ATL2: variants seen among roughly 807,000 people sequenced by gnomAD.
ATL2 encodes atlastin GTPase 2, also known as atlastin-2.
In ATL2, 31 loss-of-function variants were observed where a neutral mutation model predicts 73.9. The observed-to-expected ratio is 0.42, with a 90% CI of 0.32 to 0.57. ATL2 has a LOEUF of 0.57. ATL2 is among the 20% of genes least tolerant of loss of function. ATL2 has a pLI of 0.14. For missense variants in ATL2, 738 were observed against 702.6 expected (o/e 1.05, Z -0.57); for synonymous variants, 291 against 237.5 (o/e 1.23, Z -2.07).
chr2:38,321,869 C>T (rs1668340570), intron 2 of ATL2, among the ~76,000 whole-genome samples: 1 of 152,054 alleles, frequency 6.6e-6, no homozygotes, highest in South Asian at 2.1e-4. Context: ...CACACCACCA[C>T]ACCTGGCTGA....
intron 2 of ATL2, among the ~76,000 whole-genome samples, chr2:38,334,026 C>CCCTT: frequency 1.7e-5 from 2 of 120,086 alleles, no homozygotes; most frequent in African/African-American, 8.9e-5. Flanking sequence ...GTATCCAATC[C>CCCTT]TCTTTTTTTT....
intron 1 of ATL2, among the ~76,000 whole-genome samples, chr2:38,349,252 A>T (rs986579355): frequency 6.6e-6 from 1 of 152,120 alleles, no homozygotes; most frequent in African/African-American, 2.4e-5. Flanking sequence ...TATTCACAAT[A>T]GCAAAGACTT....
chr2:38,296,181 G>A (rs2148395478), intron 12 of ATL2, 68 bp from the exon 13 acceptor site: 1 of 1,463,870 alleles, frequency 6.8e-7, no homozygotes, highest in Non-Finnish European at 9.1e-7. Context: ...TATAAAAATA[G>A]ATATAAAAAT....
At chr2:38,377,413 T>C (rs1056618645), upstream of ATL2, 11 of 574,854 alleles carry the variant, frequency 1.9e-5, no homozygotes, top group Non-Finnish European at 2.9e-5. Flanking sequence ...GCCCTCCGCC[T>C]GTATCTCCTC....
intron 4 of ATL2, among the ~76,000 whole-genome samples, chr2:38,317,439 C>G (rs1214340689): frequency 6.6e-6 from 1 of 151,998 alleles, no homozygotes; most frequent in Non-Finnish European, 1.5e-5. Flanking sequence ...AAGAAATGGC[C>G]TAGCCTGAAG....
intron 1 of ATL2, among the ~76,000 whole-genome samples, chr2:38,360,602 A>G (rs1670957199): frequency 6.6e-6 from 1 of 152,034 alleles, no homozygotes; most frequent in South Asian, 2.1e-4. Flanking sequence ...TCTATAATCA[A>G]CAAGACAGAA....
intron 1 of ATL2, among the ~76,000 whole-genome samples, chr2:38,365,176 C>CAAAT (rs1386510626): frequency 1.4e-4 from 20 of 138,432 alleles, no homozygotes; most frequent in African/African-American, 6.9e-4. Context: ...AATACACACA[C>CAAAT]ACACACACAC....
chr2:38,314,062 C>T (rs1407335780), intron 6 of ATL2, among the ~76,000 whole-genome samples: 1 of 152,162 alleles, frequency 6.6e-6, no homozygotes, highest in Non-Finnish European at 1.5e-5. Flanking sequence ...GCAATGCTGT[C>T]ATACCGGAAA....
chr2:38,373,522 A>T (rs1671799952), intron 1 of ATL2, among the ~76,000 whole-genome samples: 1 of 152,206 alleles, frequency 6.6e-6, no homozygotes, highest in African/African-American at 2.4e-5. Context: ...TCCTTGGGAA[A>T]ACAGAGGATG....
In ATL2 at chr2:38,309,404, C is replaced by A; in HGVS notation, c.1046G>T (p.Cys349Phe). Residue 349 changes from cysteine to phenylalanine, a missense_variant, in exon 9 of 13, where the codon TGT (cysteine) becomes TTT (phenylalanine). By Grantham distance (205) the Cys-to-Phe change is radical. Transcript: ENST00000378954. Reference sequence around the variant, plus strand: ...CTTAAAATATTCTACAAGATCTCTACAAGTGACTTTAGATCCACTTATCTC... The same window carrying A: ...CTTAAAATATTCTACAAGATCTCTAAAAGTGACTTTAGATCCACTTATCTC... ...EKEISGSKVTCRDLVEYFKAY... is the reference protein window; with the variant it reads ...EKEISGSKVTFRDLVEYFKAY... 2 of 1,611,140 alleles carry A rather than the reference C, an allele frequency of 1.2e-6. No homozygotes were observed. The highest frequency in any genetic ancestry group is 8.5e-7 in the Non-Finnish European group (1 of 1,179,512).
intron 1 of ATL2, among the ~76,000 whole-genome samples, chr2:38,344,121 T>C (rs1469834831): frequency 1.3e-5 from 2 of 152,176 alleles, no homozygotes; most frequent in Non-Finnish European, 2.9e-5. Context: ...CTTAACTTCA[T>C]TGAGAATGTT....
chr2:38,323,983 A>G (rs1180078860), intron 2 of ATL2, among the ~76,000 whole-genome samples: 1 of 152,234 alleles, frequency 6.6e-6, no homozygotes, highest in Admixed American at 6.5e-5. Context: ...GAATGAAATT[A>G]AGATCCAAGT....
intron 2 of ATL2, among the ~76,000 whole-genome samples, chr2:38,325,599 A>C (rs1231302190): frequency 1.3e-5 from 2 of 149,760 alleles, no homozygotes; most frequent in Non-Finnish European, 3.0e-5. Flanking sequence ...CTGGGAAAGT[A>C]ACCACTATCT....
At chr2:38,337,442 C>T (rs1053860602) in intron 2 of ATL2, among the ~76,000 whole-genome samples, 2 of 114,780 alleles carry the variant, frequency 1.7e-5, no homozygotes, top group African/African-American at 3.4e-5. Context: ...GCTGAGATCA[C>T]ATCACTGCAC....
intron 1 of ATL2, among the ~76,000 whole-genome samples, chr2:38,357,786 A>C (rs879113419): frequency 1.3e-5 from 2 of 152,166 alleles, no homozygotes; most frequent in Non-Finnish European, 1.5e-5. Context: ...AAGATACATG[A>C]CAACATTCAA....
At position 38,377,184 on chromosome 2, in the gene ATL2, G is replaced by A. The variant is rs762985967; in HGVS notation, c.77C>T (p.Pro26Leu). The stretch of plus-strand genomic sequence containing the variant: ...CGAGACGTGGTTAACCGCGGCGCTT[G>A]GGTCGCTGGTCCGTCGCCGGCGCCA... Reference protein sequence around the residue: ...GLWRRRRTSDPSAAVNHVSST... With the variant: ...GLWRRRRTSDLSAAVNHVSST... The change falls in exon 1 of 13, where the codon CCA becomes CTA. Residue 26 changes from proline (P) to leucine (L), a missense_variant. By Grantham distance (98) the Pro-to-Leu change is moderately conservative. Coordinates refer to ENST00000378954, the MANE Select transcript of ATL2 (RefSeq NM_001135673.4). 7 of 1,610,758 alleles carry A rather than the reference G, an allele frequency of 4.3e-6. No homozygotes were observed.
At position 38,295,001 on chromosome 2, in the gene ATL2, G is replaced by GT. The variant is rs1666815082; in HGVS notation, c.*992_*993insA. ...CATTCCCATTGAATTCCCTTGGTGG[G>GT]CGGGGGGGGGGTGAGATTGCAGTGC... On this transcript the variant is annotated 3_prime_UTR_variant, in exon 13 of 13. Transcript: ENST00000378954. 2 of 112,042 alleles carry GT rather than the reference G, an allele frequency of 1.8e-5. No individual in the cohort carries two copies. Among genetic ancestry groups the GT allele is most frequent in the Non-Finnish European group, 3.4e-5 (2 of 58,878 alleles). The allele number at this position is 112,042 out of a possible 1,614,324, so 6.9% of individuals were successfully genotyped here.
Position 38,298,250 on chromosome 2 carries a change from C to A in ATL2, c.1526G>T (p.Gly509Val), listed in dbSNP as rs576275911. 6 of 1,613,954 alleles carry A rather than the reference C, an allele frequency of 3.7e-6. No homozygotes were observed. The highest frequency in any genetic ancestry group is 5.1e-6 in the Non-Finnish European group (6 of 1,179,972). Reference sequence around the variant, plus strand: ...AGTACAAAGAAATATCAGTGCTAACCCCATGACAAGGTTACACAAGACAGC... The same window carrying A: ...AGTACAAAGAAATATCAGTGCTAACACCATGACAAGGTTACACAAGACAGC... The part of the protein sequence containing the change: ...SIAVLCNLVM[G>V]LALIFLCTWA... Residue 509 changes from glycine to valine, a missense_variant, in exon 12 of 13, where the codon GGG (glycine) becomes GTG (valine). Gly to Val is a moderately radical substitution (Grantham distance 109, BLOSUM62 -3). Transcript: ENST00000378954.
rs371676677 is a variant in ATL2, at chr2:38,353,642, CT to C, written c.119-10131del. Reference sequence around the variant, plus strand: ...AAAGAAAACCACATCAGCCAGACTGCTAAAAACCAAAAACCAAAGATAACAG... The same window carrying C: ...AAAGAAAACCACATCAGCCAGACTGCAAAAACCAAAAACCAAAGATAACAG... On this transcript the variant is annotated intron_variant, in intron 1 of 12. Coordinates refer to ENST00000378954, the MANE Select transcript of ATL2 (RefSeq NM_001135673.4). Among the ~76,000 whole-genome samples the C allele has an allele frequency of 5.0e-4, 76 of 152,194 alleles. 1 individual carries two copies. The highest frequency in any genetic ancestry group is 1.8e-3 in the African/African-American group (76 of 41,520).
Sources: allele counts gnomAD v4.1 joint callset (sites outside exome capture counted in the v4.1 genomes callset), GRCh38; gene constraint gnomAD v4.1.1; transcripts MANE v1.5; gene names NCBI Gene and HGNC (gene_info 2026-07-23, HGNC 2026-07-21).